Variants in JAKMIP2 observed in about 807,000 individuals in gnomAD.
JAKMIP2 encodes janus kinase and microtubule-interacting protein 2.
JAKMIP2 carries 25 observed loss-of-function variants against 115.0 expected under a neutral mutation model. That is an observed-to-expected ratio of 0.22 (90% CI 0.16 to 0.30). The LOEUF (loss-of-function observed/expected upper bound fraction) is 0.30. Ranked by LOEUF, JAKMIP2 falls within the 10% of genes least tolerant of loss-of-function variation. The pLI is 1.00. For missense variants in JAKMIP2, 642 were observed against 957.6 expected (o/e 0.67, Z 4.35); for synonymous variants, 334 against 343.6 (o/e 0.97, Z 0.31).
At chr5:147,712,978 G>T (rs1394380309) in intron 1 of JAKMIP2, among the ~76,000 whole-genome samples, 1 of 152,030 alleles carries the variant, frequency 6.6e-6, no homozygotes, top group Non-Finnish European at 1.5e-5. Context: ...TATGGATAAC[G>T]ATTTAAAAAT....
At chr5:147,604,019 C>G (rs1423965295) in intron 20 of JAKMIP2, among the ~76,000 whole-genome samples, 1 of 152,010 alleles carries the variant, frequency 6.6e-6, no homozygotes, top group Non-Finnish European at 1.5e-5. Flanking sequence ...CTTGAGCCAG[C>G]CCTAGGGTAG....
intron 1 of JAKMIP2, among the ~76,000 whole-genome samples, chr5:147,672,636 A>T (rs539431983): frequency 3.9e-5 from 6 of 152,330 alleles, no homozygotes; most frequent in Non-Finnish European, 8.8e-5. Context: ...AGAGTTTTTT[A>T]AAAAATAGGC....
chr5:147,712,107 G>A (rs1453023354), intron 1 of JAKMIP2, among the ~76,000 whole-genome samples: 2 of 152,128 alleles, frequency 1.3e-5, no homozygotes, highest in Admixed American at 6.5e-5. Context: ...GTTGTACTTT[G>A]AACTTTGTTT....
intron 13 of JAKMIP2, among the ~76,000 whole-genome samples, chr5:147,631,964 C>A (rs983979104): frequency 2.6e-5 from 4 of 152,268 alleles, no homozygotes; most frequent in African/African-American, 9.6e-5. Context: ...AGACCTAATT[C>A]AAAATAGCCT....
At chr5:147,767,964 C>G (rs893055229) in intron 1 of JAKMIP2, among the ~76,000 whole-genome samples, 6 of 152,092 alleles carry the variant, frequency 3.9e-5, no homozygotes, top group Admixed American at 1.3e-4. Flanking sequence ...TTTTAAAAAT[C>G]CATTTTCTTG....
At chr5:147,732,404 T>TTC (rs1261545412) in intron 1 of JAKMIP2, among the ~76,000 whole-genome samples, 2 of 152,224 alleles carry the variant, frequency 1.3e-5, no homozygotes, top group Non-Finnish European at 2.9e-5. Flanking sequence ...CTTAATGTTC[T>TTC]TCTCTTTCAC....
At chr5:147,735,193 G>C (rs1366008876) in intron 1 of JAKMIP2, among the ~76,000 whole-genome samples, 1 of 152,236 alleles carries the variant, frequency 6.6e-6, no homozygotes, top group East Asian at 1.9e-4. Flanking sequence ...TACTTAAACT[G>C]TCTTAGTTCC....
intron 5 of JAKMIP2, among the ~76,000 whole-genome samples, 168 bp from the exon 6 acceptor site, chr5:147,645,164 C>T (rs1758075534): frequency 6.6e-6 from 1 of 152,104 alleles, no homozygotes; most frequent in Non-Finnish European, 1.5e-5. Flanking sequence ...AGACTGTTTG[C>T]TTTCTTTTCA....
intron 1 of JAKMIP2, among the ~76,000 whole-genome samples, chr5:147,718,242 G>C (rs992864380): frequency 1.3e-5 from 2 of 151,282 alleles, no homozygotes; most frequent in East Asian, 2.0e-4. Flanking sequence ...TGCTGGATTC[G>C]GTTTGTCAGT....
intron 1 of JAKMIP2, among the ~76,000 whole-genome samples, chr5:147,728,370 G>A (rs991173844): frequency 7.2e-5 from 11 of 152,124 alleles, no homozygotes; most frequent in African/African-American, 2.7e-4. Context: ...TCTTTGCATT[G>A]TCTTGTTCTG....
chr5:147,635,393 C>A, intron 12 of JAKMIP2, among the ~76,000 whole-genome samples: 1 of 143,376 alleles, frequency 7.0e-6, no homozygotes, highest in African/African-American at 2.6e-5. Flanking sequence ...AAACAGTATT[C>A]ATCTAAAAAA....
chr5:147,741,312 A>G (rs1189281649), intron 1 of JAKMIP2, among the ~76,000 whole-genome samples: 1 of 152,206 alleles, frequency 6.6e-6, no homozygotes, highest in Non-Finnish European at 1.5e-5. Flanking sequence ...ACTTTTCAAA[A>G]AAAGAAATTT....
At chr5:147,683,908 C>T (rs1242952704) in intron 1 of JAKMIP2, among the ~76,000 whole-genome samples, 1 of 152,130 alleles carries the variant, frequency 6.6e-6, no homozygotes, top group Non-Finnish European at 1.5e-5. Flanking sequence ...TAAAGAATTG[C>T]ATTTAATTTT....
chr5:147,645,280 G>T (rs2126729940), intron 5 of JAKMIP2, among the ~76,000 whole-genome samples: 1 of 152,216 alleles, frequency 6.6e-6, no homozygotes, highest in South Asian at 2.1e-4. Flanking sequence ...GGGAGGACGC[G>T]CTCTCCTTGC....
intron 19 of JAKMIP2, among the ~76,000 whole-genome samples, chr5:147,614,612 C>A (rs1413583357): frequency 6.6e-6 from 1 of 152,164 alleles, no homozygotes; most frequent in East Asian, 1.9e-4. Flanking sequence ...TCAATAGCAG[C>A]CATTGTGAAC....
At chr5:147,623,473 AT>A (rs953806252) in intron 17 of JAKMIP2, 147 bp downstream of exon 17, 32 of 487,458 alleles carry the variant, frequency 6.6e-5, no homozygotes, top group Middle Eastern at 5.4e-4. Flanking sequence ...ACTTCTGGTA[AT>A]TTTTTTTCCA....
chr5:147,700,011 A>T (rs1342492171), intron 1 of JAKMIP2, among the ~76,000 whole-genome samples: 1 of 152,206 alleles, frequency 6.6e-6, no homozygotes, highest in Non-Finnish European at 1.5e-5. Flanking sequence ...TATTGGCTGA[A>T]AGGCCAGTGC....
At chr5:147,750,810 G>A (rs947271041) in intron 1 of JAKMIP2, among the ~76,000 whole-genome samples, 17 of 152,174 alleles carry the variant, frequency 1.1e-4, no homozygotes, top group African/African-American at 2.9e-4. Context: ...AAACACCAGA[G>A]ATCTCTCTCC....
At chr5:147,712,639 TA>T (rs984491378) in intron 1 of JAKMIP2, among the ~76,000 whole-genome samples, 5 of 152,126 alleles carry the variant, frequency 3.3e-5, no homozygotes, top group African/African-American at 1.2e-4. Context: ...CAATATTGCT[TA>T]GTGGAGGTGG....
Sources: gnomAD v4.1 joint callset for allele counts (sites outside exome capture counted in the v4.1 genomes callset) on GRCh38, gnomAD v4.1.1 for gene constraint, MANE v1.5 for transcripts, NCBI Gene and HGNC (gene_info 2026-07-23, HGNC 2026-07-21) for gene names.